Variants in ATRNL1 observed in about 807,000 individuals in gnomAD.
ATRNL1 encodes the protein attractin like 1.
ATRNL1 carries 95 observed loss-of-function variants against 182.7 expected under a neutral mutation model. The ratio of observed to expected loss-of-function variants is 0.52; its 90% CI spans 0.44 to 0.62. ATRNL1 has a LOEUF of 0.62. Among genes scored for constraint, ATRNL1 ranks in the 20% least tolerant of loss-of-function variants. ATRNL1 has a pLI of 0.00. For missense variants in ATRNL1, 1,471 were observed against 1,679.5 expected (o/e 0.88, Z 2.17); for synonymous variants, 576 against 568.3 (o/e 1.01, Z -0.19).
intron 24 of ATRNL1, among the ~76,000 whole-genome samples, chr10:115,506,000 A>G (rs1416868890): frequency 1.3e-5 from 2 of 151,548 alleles, no homozygotes; most frequent in African/African-American, 4.8e-5. Flanking sequence ...GAACTCCAGC[A>G]TGGGTGGACA....
At chr10:115,575,719 T>A (rs1854660283) in intron 26 of ATRNL1, among the ~76,000 whole-genome samples, 1 of 152,094 alleles carries the variant, frequency 6.6e-6, no homozygotes, top group African/African-American at 2.4e-5. Context: ...AGTGAAATGA[T>A]TATTATAAGT....
Position 115,917,429 on chromosome 10 carries a change from C to T in ATRNL1, c.4019-27229C>T, listed in dbSNP as rs201059488. 2.7e-4 allele frequency among the ~76,000 whole-genome samples: 39 copies of T among 142,802 alleles called. No individual in the cohort carries two copies. The East Asian group carries it at 5.8e-3, about 21-fold the overall frequency. 93.7% of individuals were successfully genotyped at this position (142,802 alleles called of 152,430 possible). ...AGCTTGCAGTGAGCTGAGATCGCAC[C>T]GCTGCACTCCAGCCTGGGCAACAGA... On this transcript the variant is annotated intron_variant, in intron 28 of 28. Coordinates refer to ENST00000355044, the MANE Select transcript of ATRNL1 (RefSeq NM_207303.4).
intron 26 of ATRNL1, among the ~76,000 whole-genome samples, chr10:115,646,919 A>C (rs1859654402): frequency 6.7e-6 from 1 of 148,446 alleles, no homozygotes; most frequent in Non-Finnish European, 1.5e-5. Flanking sequence ...CATTAGGTAT[A>C]TCTCCTAATG....
chr10:115,746,931 T>A (rs1417650243), intron 27 of ATRNL1, among the ~76,000 whole-genome samples: 1 of 152,082 alleles, frequency 6.6e-6, no homozygotes, highest in Non-Finnish European at 1.5e-5. Context: ...GTTTATTATA[T>A]TCCAGACAGT....
At chr10:115,494,710 G>A (rs1849460214) in intron 24 of ATRNL1, among the ~76,000 whole-genome samples, 1 of 152,052 alleles carries the variant, frequency 6.6e-6, no homozygotes, top group Admixed American at 6.6e-5. Flanking sequence ...GTGGTGGATT[G>A]GATTTTTGAT....
intron 25 of ATRNL1, among the ~76,000 whole-genome samples, chr10:115,536,395 G>A (rs892199796): frequency 2.3e-4 from 35 of 152,308 alleles, no homozygotes; most frequent in African/African-American, 8.2e-4. Flanking sequence ...GAGACTCCGT[G>A]GGCGTAGGAC....
At chr10:115,598,521 G>T (rs1323922002) in intron 26 of ATRNL1, among the ~76,000 whole-genome samples, 4 of 151,316 alleles carry the variant, frequency 2.6e-5, no homozygotes, top group African/African-American at 9.7e-5. Flanking sequence ...ACACCACCAC[G>T]CCTGGCTAAT....
rs553662269 is a variant in ATRNL1 at position 115,387,456 on chromosome 10, A to C, written c.3176-7203A>C. Among the ~76,000 whole-genome samples, 16 of 152,264 alleles carry C rather than the reference A, an allele frequency of 1.1e-4. No homozygotes were observed. In the South Asian group the frequency reaches 3.1e-3, roughly 30 times the overall value. The stretch of plus-strand genomic sequence containing the variant: ...TACTCTATTAATATAATTGTTTTCT[A>C]TTGAGGTACAATTCAGGTAACACAA... On this transcript the variant is annotated intron_variant, in intron 19 of 28. Transcript: ENST00000355044.
intron 27 of ATRNL1, among the ~76,000 whole-genome samples, chr10:115,777,142 TGAG>T (rs1361633994): frequency 6.6e-6 from 1 of 152,154 alleles, no homozygotes; most frequent in Non-Finnish European, 1.5e-5. Context: ...ATTGTAGAAT[TGAG>T]GTGATAGGCA....
At chr10:115,353,726 A>G (rs1375533324) in intron 19 of ATRNL1, among the ~76,000 whole-genome samples, 1 of 151,454 alleles carries the variant, frequency 6.6e-6, no homozygotes, top group Non-Finnish European at 1.5e-5. Flanking sequence ...TTCAATTTCT[A>G]TTATAGGTGT....
chr10:115,201,676 CT>C (rs1848584581), intron 8 of ATRNL1, among the ~76,000 whole-genome samples: 2 of 152,088 alleles, frequency 1.3e-5, no homozygotes, highest in South Asian at 2.1e-4. Context: ...ATGCCTCCAG[CT>C]TTGTTCTTTT....
chr10:115,597,361 T>C (rs1856309779), intron 26 of ATRNL1, among the ~76,000 whole-genome samples: 1 of 152,086 alleles, frequency 6.6e-6, no homozygotes, highest in Non-Finnish European at 1.5e-5. Context: ...AAATGTAATA[T>C]ACAGTAATGT....
At chr10:115,750,429 G>A (rs79560982) in intron 27 of ATRNL1, among the ~76,000 whole-genome samples, 5,205 of 151,834 alleles carry the variant, frequency 0.034, 126 homozygotes, top group Middle Eastern at 0.051. Context: ...TGGGAAAAGA[G>A]AAAACTGAAT....
intron 8 of ATRNL1, among the ~76,000 whole-genome samples, chr10:115,177,148 C>T (rs1421012470): frequency 6.6e-6 from 1 of 152,122 alleles, no homozygotes; most frequent in African/African-American, 2.4e-5. Context: ...AAGTAATCAA[C>T]GGAGCCACAT....
intron 26 of ATRNL1, among the ~76,000 whole-genome samples, chr10:115,636,445 C>T (rs1439887236): frequency 1.3e-5 from 2 of 152,140 alleles, no homozygotes; most frequent in Admixed American, 6.5e-5. Flanking sequence ...AACATAAGAT[C>T]GCAAAGGCTA....
intron 21 of ATRNL1, among the ~76,000 whole-genome samples, chr10:115,442,303 C>CTCCCTCTCTCTCTCTCTCTCTCTCTG (rs782157017): frequency 8.1e-6 from 1 of 123,766 alleles, no homozygotes; most frequent in Non-Finnish European, 1.7e-5. Flanking sequence ...CTCTCTCTCT[C>CTCCCTCTCTCTCTCTCTCTCTCTCTG]TGTGTGTATG....
chr10:115,420,143 C>T (rs1845585507), intron 20 of ATRNL1, among the ~76,000 whole-genome samples: 1 of 151,184 alleles, frequency 6.6e-6, no homozygotes, highest in Non-Finnish European at 1.5e-5. Context: ...TCCCAGGTTC[C>T]AGCAATTCTC....
At chr10:115,550,892 G>A (rs782523751) in intron 26 of ATRNL1, among the ~76,000 whole-genome samples, 3 of 151,634 alleles carry the variant, frequency 2.0e-5, no homozygotes, top group Non-Finnish European at 4.4e-5. Context: ...AATCAATCAG[G>A]GAGCCTCTGT....
intron 19 of ATRNL1, among the ~76,000 whole-genome samples, chr10:115,377,482 C>T (rs1554949862): frequency 6.6e-6 from 1 of 152,162 alleles, no homozygotes; most frequent in African/African-American, 2.4e-5. Context: ...GGTTGTCTAT[C>T]TATGTTTCCT....
Sources: allele counts gnomAD v4.1 joint callset (sites outside exome capture counted in the v4.1 genomes callset), GRCh38; gene constraint gnomAD v4.1.1; transcripts MANE v1.5; gene names NCBI Gene and HGNC (gene_info 2026-07-23, HGNC 2026-07-21).